Variants in FIG4 observed in about 807,000 individuals in gnomAD.
FIG4 encodes polyphosphoinositide phosphatase.
Under a neutral mutation model 118.6 loss-of-function variants are expected in FIG4, and 112 were observed. The observed-to-expected ratio is 0.94, with a 90% CI of 0.81 to 1.11. FIG4 has a LOEUF of 1.11. Among genes scored for constraint, FIG4 ranks in the 50% least tolerant of loss-of-function variants. The probability of loss-of-function intolerance (pLI) is 0.00; values close to 1 mark genes in which losing one functional copy is unlikely to be tolerated. For missense variants in FIG4, 969 were observed against 1,111.7 expected (o/e 0.87, Z 1.83); for synonymous variants, 369 against 381.2 (o/e 0.97, Z 0.37).
At chr6:109,745,050 A>C (rs1308760217) in intron 10 of FIG4, among the ~76,000 whole-genome samples, 2 of 152,098 alleles carry the variant, frequency 1.3e-5, no homozygotes, top group African/African-American at 4.8e-5. Context: ...ATTGATGGGC[A>C]TTTGGGTTGG....
At chr6:109,816,677 A>C (rs1261393347) in intron 22 of FIG4, among the ~76,000 whole-genome samples, 1 of 151,578 alleles carries the variant, frequency 6.6e-6, no homozygotes, top group Admixed American at 6.6e-5. Flanking sequence ...AACAACATGG[A>C]ATATGTAGGA....
chr6:109,811,463 TATC>T (rs1218334288), intron 22 of FIG4, among the ~76,000 whole-genome samples: 6 of 152,292 alleles, frequency 3.9e-5, no homozygotes, highest in Middle Eastern at 3.4e-3. Flanking sequence ...CTATAATTAT[TATC>T]ATAGCCACAA....
At chr6:109,755,861 G>A (rs540909614) in intron 10 of FIG4, among the ~76,000 whole-genome samples, 1 of 152,290 alleles carries the variant, frequency 6.6e-6, no homozygotes, top group African/African-American at 2.4e-5. Context: ...CCTGAATACA[G>A]CACACTGATG....
intron 22 of FIG4, among the ~76,000 whole-genome samples, chr6:109,807,070 A>G (rs1778585065): frequency 6.6e-6 from 1 of 152,188 alleles, no homozygotes; most frequent in Non-Finnish European, 1.5e-5. Flanking sequence ...CAATAAACAT[A>G]TGTGTGCATG....
chr6:109,742,308 C>T (rs1776349614), intron 8 of FIG4, among the ~76,000 whole-genome samples: 1 of 151,934 alleles, frequency 6.6e-6, no homozygotes, highest in South Asian at 2.1e-4. Context: ...CTTTTTTGCC[C>T]ATACTCCTTT....
chr6:109,734,820 G>A (rs1275705059), intron 5 of FIG4, among the ~76,000 whole-genome samples: 1 of 152,096 alleles, frequency 6.6e-6, no homozygotes, highest in African/African-American at 2.4e-5. Flanking sequence ...TTCATAGAAG[G>A]TGTGACCCTG....
At chr6:109,778,356 G>A (rs1178269091) in intron 16 of FIG4, among the ~76,000 whole-genome samples, 1 of 151,362 alleles carries the variant, frequency 6.6e-6, no homozygotes, top group Non-Finnish European at 1.5e-5. Context: ...TGTAATCCCA[G>A]CTACTCGGGA....
intron 1 of FIG4, among the ~76,000 whole-genome samples, chr6:109,699,652 G>A (rs1006871496): frequency 4.6e-5 from 7 of 151,752 alleles, no homozygotes; most frequent in Non-Finnish European, 8.8e-5. Flanking sequence ...ACAGGCCCAC[G>A]CCACCATGCC....
chr6:109,713,053 G>T (rs1373952646), intron 1 of FIG4, among the ~76,000 whole-genome samples: 1 of 152,178 alleles, frequency 6.6e-6, no homozygotes, highest in Non-Finnish European at 1.5e-5. Context: ...TGGAATACTC[G>T]TATTGGGCTC....
chr6:109,718,767 A>G (rs1394434105), intron 3 of FIG4, among the ~76,000 whole-genome samples: 1 of 152,184 alleles, frequency 6.6e-6, no homozygotes, highest in African/African-American at 2.4e-5. Context: ...TAAATGCCAT[A>G]AATGCCAGTA....
At chr6:109,783,816 T>C (rs1777876457) in intron 16 of FIG4, among the ~76,000 whole-genome samples, 1 of 152,242 alleles carries the variant, frequency 6.6e-6, no homozygotes, top group Non-Finnish European at 1.5e-5. Context: ...CAAAGTGATT[T>C]ACATGCACAT....
intron 2 of FIG4, 35 bp from the exon 3 acceptor site, chr6:109,716,410 G>T: frequency 6.2e-7 from 1 of 1,610,488 alleles, no homozygotes; most frequent in African/African-American, 1.3e-5. Context: ...TAAAGTTTAA[G>T]CACAACCTTA....
chr6:109,794,116 C>G lies in FIG4; in HGVS notation c.2459+1452C>G, dbSNP rs548187770. ...GGTTACTTCAGGGGAGGGAGGAACC[C>G]ATGTCCTAGAATAAAATTCTGTGTT... On this transcript the variant is annotated intron_variant, in intron 21 of 22. Coordinates refer to ENST00000230124, the MANE Select transcript of FIG4 (RefSeq NM_014845.6). 2.8e-4 allele frequency among the ~76,000 whole-genome samples: 43 copies of G among 152,284 alleles called. 1 individual carries two copies. The highest frequency in any genetic ancestry group is 8.3e-4 in the South Asian group (4 of 4,830).
In FIG4 at chr6:109,789,803, A is replaced by C. The variant is rs1049750784; in HGVS notation, c.2180+126A>C. The C allele has an allele frequency of 7.0e-6, 5 of 711,078 alleles. No homozygotes were observed. In the African/African-American group the frequency reaches 8.8e-5, roughly 13 times the overall value. The allele number at this position is 711,078 out of a possible 1,614,324, so 44.0% of individuals were successfully genotyped here. ...GTTTATTAATAACACTGGGATCACT[A>C]AGGTGTTCAATACTGAAAGTAGAAT... On this transcript the variant is annotated intron_variant, in intron 19 of 22. Transcript: ENST00000230124.
At chr6:109,776,777 A>ATG in intron 15 of FIG4, 145 bp from the exon 16 acceptor site, 6 of 666,140 alleles carry the variant, frequency 9.0e-6, no homozygotes, top group South Asian at 3.6e-5. Context: ...TTGGTAACTT[A>ATG]TGTGTGTGTG....
chr6:109,739,335 G>A (rs1776253031), intron 7 of FIG4, among the ~76,000 whole-genome samples: 1 of 152,050 alleles, frequency 6.6e-6, no homozygotes, highest in African/African-American at 2.4e-5. Context: ...GTTTAAGAAG[G>A]CAGCATGTAC....
chr6:109,701,544 G>C (rs1774907998), intron 1 of FIG4, among the ~76,000 whole-genome samples: 1 of 152,216 alleles, frequency 6.6e-6, no homozygotes, highest in South Asian at 2.1e-4. Context: ...AACTAGGTCT[G>C]CATGTGTCTA....
In FIG4 at chr6:109,789,672, A is replaced by T; in HGVS notation, c.2175A>T (p.Val725=). Residue 725 remains valine, a synonymous_variant, in exon 19 of 23, where the codon GTA becomes GTT. Transcript: ENST00000230124. ...VRKPDETGKS[V]LGNKSNREEA... is the part of the protein sequence containing the mutation. ...AACCAGATGAAACTGGAAAATCAGT[A>T]TTGGGGTAAGATTTGTGTATAGAAC... 6.2e-7 allele frequency: 1 copy of T among 1,607,328 alleles called. No individual in the cohort carries two copies. The highest frequency in any genetic ancestry group is 8.5e-7 in the Non-Finnish European group (1 of 1,173,894).
intron 15 of FIG4, among the ~76,000 whole-genome samples, chr6:109,767,749 G>A (rs1178449290): frequency 6.6e-6 from 1 of 152,156 alleles, no homozygotes; most frequent in Non-Finnish European, 1.5e-5. Context: ...ATGGGGGCCT[G>A]TAGTCCCAGC....
Sources: allele counts gnomAD v4.1 joint callset (sites outside exome capture counted in the v4.1 genomes callset), GRCh38; gene constraint gnomAD v4.1.1; transcripts MANE v1.5; gene names NCBI Gene and HGNC (gene_info 2026-07-23, HGNC 2026-07-21).